LILRB1: variants seen among roughly 807,000 people sequenced by gnomAD.
The protein encoded by LILRB1 is leukocyte immunoglobulin like receptor B1.
In LILRB1, 59 loss-of-function variants were observed where a neutral mutation model predicts 74.6. The observed-to-expected ratio is 0.79, with a 90% CI of 0.64 to 0.98. LILRB1 has a LOEUF of 0.98. Ranked by LOEUF, LILRB1 falls within the 50% of genes least tolerant of loss-of-function variation. LILRB1 has a pLI of 0.00. For synonymous variants in LILRB1, 328 were observed against 333.9 expected, an observed-to-expected ratio of 0.98 and a Z score of 0.19; for missense variants, 804 against 822.6, an observed-to-expected ratio of 0.98 and a Z score of 0.28.
chr19:54,633,846 C>A, intron 8 of LILRB1, 125 bp from the exon 9 acceptor site: 1 of 1,461,790 alleles, frequency 6.8e-7, no homozygotes, highest in Non-Finnish European at 9.2e-7. Context: ...GGCTCTGAGG[C>A]TGGGCTGGTG....
upstream of LILRB1, among the ~76,000 whole-genome samples, chr19:54,625,639 C>T (rs1374271835): frequency 5.3e-5 from 8 of 150,868 alleles, no homozygotes; most frequent in South Asian, 2.1e-4. Flanking sequence ...TAGGGAGCCT[C>T]GCACTCACTC....
Position 54,635,617 on chromosome 19 carries a change from C to A in LILRB1, c.1653+8C>A, listed in dbSNP as rs766532768. ...GTGGAGATGGACACTCGGGTGAGAC[C>A]CCACCCCTGTCCCAGGCACCAAAGG... On this transcript the variant is annotated splice_region_variant and intron_variant, in intron 13 of 14. Coordinates refer to ENST00000324602, the MANE Select transcript of LILRB1 (RefSeq NM_001081637.3). 2 of 1,613,756 alleles carry A rather than the reference C, an allele frequency of 1.2e-6. No homozygotes were observed. Among genetic ancestry groups the A allele is most frequent in the African/African-American group, 1.3e-5 (1 of 74,878 alleles).
chr19:54,633,877 G>C (rs1043205133), intron 8 of LILRB1, 94 bp from the exon 9 acceptor site: 143 of 1,511,078 alleles, frequency 9.5e-5, no homozygotes, highest in Non-Finnish European at 1.2e-4. Flanking sequence ...GGTCAAGGCA[G>C]AGAGAAATGT....
chr19:54,626,548 T>C (rs970004889), upstream of LILRB1, among the ~76,000 whole-genome samples: 6 of 152,144 alleles, frequency 3.9e-5, no homozygotes, highest in African/African-American at 1.4e-4. Context: ...TGATGACTAA[T>C]GAAAAATTTA....
At chr19:54,635,373 G>A (rs10421766) in intron 12 of LILRB1, 77 bp downstream of exon 12, 198,531 of 1,537,832 alleles carry the variant, frequency 0.13, 16,643 homozygotes, top group African/African-American at 0.19. Context: ...GGAAAGGGGC[G>A]CTGGCTGGAA....
intron 1 of LILRB1, among the ~76,000 whole-genome samples, chr19:54,618,100 C>CAAA (rs1202106742): frequency 0.059 from 4,568 of 77,962 alleles, 129 homozygotes; most frequent in Non-Finnish European, 0.08. Flanking sequence ...GCCCCTGCCT[C>CAAA]AAAAAAAAAA....
rs1040531122 is a variant in LILRB1 at position 54,635,003 on chromosome 19, G to A, written c.1487-101G>A. On this transcript the variant is annotated intron_variant, in intron 10 of 14. Coordinates refer to ENST00000324602, the MANE Select transcript of LILRB1 (RefSeq NM_001081637.3). Reference sequence around the variant, plus strand: ...CCTATGAGGCATTTGGAACATGGAGGCAGGAGTGTTTTTAGGTTTCCTTCC... The same window carrying A: ...CCTATGAGGCATTTGGAACATGGAGACAGGAGTGTTTTTAGGTTTCCTTCC... The A allele has an allele frequency of 7.9e-6, 11 of 1,401,116 alleles. No individual in the cohort carries two copies. The African/African-American group carries it at 1.5e-4, about 19-fold the overall frequency. 86.8% of individuals were successfully genotyped at this position (1,401,116 alleles called of 1,614,324 possible).
At chr19:54,627,163 A>G (rs770613336), upstream of LILRB1, among the ~76,000 whole-genome samples, 1 of 152,164 alleles carries the variant, frequency 6.6e-6, no homozygotes, top group Non-Finnish European at 1.5e-5. Flanking sequence ...GCATGCTTTC[A>G]CCTGCAGGCT....
upstream of LILRB1, among the ~76,000 whole-genome samples, chr19:54,616,370 A>G (rs1311375968): frequency 8.5e-5 from 13 of 152,214 alleles, no homozygotes; most frequent in Non-Finnish European, 7.3e-5. Context: ...TATTTGGCTC[A>G]GAAAAATCTC....
Position 54,634,634 on chromosome 19 carries a change from G to T in LILRB1, c.1364-7G>T. 1 of 1,611,362 alleles carries T rather than the reference G, an allele frequency of 6.2e-7. No individual in the cohort carries two copies. The highest frequency in any genetic ancestry group is 8.5e-7 in the Non-Finnish European group (1 of 1,178,504). ...TCACCCCCATCCCTGACATCATCGT[G>T]CTCAAGGTCTGGGAAGGCACCTGGG... On this transcript the variant is annotated splice_polypyrimidine_tract_variant and splice_region_variant and intron_variant, in intron 9 of 14. Coordinates refer to ENST00000324602, the MANE Select transcript of LILRB1 (RefSeq NM_001081637.3).
upstream of LILRB1, among the ~76,000 whole-genome samples, chr19:54,628,285 G>A (rs1293320955): frequency 1.3e-5 from 2 of 152,230 alleles, no homozygotes; most frequent in Non-Finnish European, 2.9e-5. Flanking sequence ...AGGCTAAATT[G>A]TGGGAGCTAA....
intron 1 of LILRB1, among the ~76,000 whole-genome samples, chr19:54,619,836 G>T (rs991302783): frequency 2.0e-5 from 3 of 151,792 alleles, no homozygotes; most frequent in Admixed American, 6.6e-5. Flanking sequence ...TATCAGATTG[G>T]CAGACACTAG....
rs767445516 is a variant in LILRB1, at chr19:54,633,975, C to T, written c.1317C>T (p.Gly439=). The change falls in exon 9 of 15, where the codon GGC becomes GGT. Residue 439 remains glycine (G), a synonymous_variant. Coordinates refer to ENST00000324602, the MANE Select transcript of LILRB1 (RefSeq NM_001081637.3). ...PTTGPTSTSA[G]PEDQPLTPTG... Reference sequence around the variant, plus strand: ...CACCTCCCCGTCCTGACCCAGCAGGCCCTGAGGACCAGCCCCTCACCCCCA... The same window carrying T: ...CACCTCCCCGTCCTGACCCAGCAGGTCCTGAGGACCAGCCCCTCACCCCCA... 8 of 1,595,818 alleles carry T rather than the reference C, an allele frequency of 5.0e-6. No homozygotes were observed. The highest frequency in any genetic ancestry group is 1.1e-5 in the South Asian group (1 of 87,808).
intron 1 of LILRB1, among the ~76,000 whole-genome samples, chr19:54,623,754 G>A (rs111658698): frequency 0.045 from 6,843 of 152,264 alleles, 213 homozygotes; most frequent in Non-Finnish European, 0.063. Flanking sequence ...TTTTCACAGC[G>A]TCAGAATCCT....
intron 1 of LILRB1, among the ~76,000 whole-genome samples, chr19:54,619,416 T>TA (rs2063395814): frequency 6.6e-6 from 1 of 152,138 alleles, no homozygotes; most frequent in South Asian, 2.1e-4. Flanking sequence ...CTTTGATATT[T>TA]AAAAAACACA....
chr19:54,634,500 A>G lies in LILRB1; in HGVS notation c.1364-141A>G, dbSNP rs955734720. On this transcript the variant is annotated intron_variant, in intron 9 of 14. Transcript: ENST00000324602. ...CTGAGCGTCAGTTTTTCATCTGTAC[A>G]GTGGGTGGGGTGGATGTTTCTGTGC... 20 of 1,521,866 alleles carry G rather than the reference A, an allele frequency of 1.3e-5. No homozygotes were observed. In the African/African-American group the frequency reaches 1.5e-4, roughly 12 times the overall value. The allele number at this position is 1,521,866 out of a possible 1,614,324, so 94.3% of individuals were successfully genotyped here. A position where few individuals can be genotyped will look rare whatever the true frequency, so the allele number is the denominator to read the frequency against.
chr19:54,626,313 A>C (rs1209627427), upstream of LILRB1, among the ~76,000 whole-genome samples: 1 of 152,214 alleles, frequency 6.6e-6, no homozygotes, highest in Non-Finnish European at 1.5e-5. Flanking sequence ...TATCATAGTT[A>C]AGACATTGAT....
Position 54,635,564 on chromosome 19 carries a change from C to G in LILRB1, c.1608C>G (p.Ala536=). 6.2e-7 allele frequency: 1 copy of G among 1,613,242 alleles called. No homozygotes were observed. The highest frequency in any genetic ancestry group is 1.1e-5 in the South Asian group (1 of 90,890). Residue 536 remains alanine, a synonymous_variant, in exon 13 of 15, where the codon GCC becomes GCG. Coordinates refer to ENST00000324602, the MANE Select transcript of LILRB1 (RefSeq NM_001081637.3). ...CTTGCTCTGCCCCAGCAGATGCTGC[C>G]GTGAAGCACACACAGCCTGAGGATG... ...ADAQEENLYA[A]VKHTQPEDGV... is the part of the protein sequence containing the mutation.
intron 9 of LILRB1, 186 bp downstream of exon 9, chr19:54,634,207 C>T (rs2064181313): frequency 1.3e-6 from 2 of 1,497,488 alleles, no homozygotes; most frequent in Non-Finnish European, 1.8e-6. Flanking sequence ...GCTCTGACTC[C>T]CAGCTGTGAC....
Sources: gnomAD v4.1 joint callset for allele counts (sites outside exome capture counted in the v4.1 genomes callset) on GRCh38, gnomAD v4.1.1 for gene constraint, MANE v1.5 for transcripts, NCBI Gene and HGNC (gene_info 2026-07-23, HGNC 2026-07-21) for gene names.